The following CWC22 variants were observed in gnomAD, a reference collection of about 807,000 sequenced individuals.
CWC22 encodes the protein pre-mRNA-splicing factor CWC22 homolog.
In CWC22, 53 loss-of-function variants were observed where a neutral mutation model predicts 117.2. The observed-to-expected ratio is 0.45, with a 90% CI of 0.36 to 0.57. The LOEUF (loss-of-function observed/expected upper bound fraction) is 0.57, where lower values mean the gene tolerates loss of function less well. Ranked by LOEUF, CWC22 falls within the 20% of genes least tolerant of loss-of-function variation. CWC22 has a pLI of 0.00. For missense variants in CWC22, 980 were observed against 1,068.8 expected, an observed-to-expected ratio of 0.92 and a Z score of 1.16; for synonymous variants, 360 against 355.6, an observed-to-expected ratio of 1.01 and a Z score of -0.14.
Position 179,970,859 on chromosome 2 carries a change from A to G in CWC22, c.941-3T>C, listed in dbSNP as rs765126946. The G allele has an allele frequency of 5.0e-6, 8 of 1,611,714 alleles. No homozygotes were observed. The South Asian group carries it at 8.8e-5, about 18-fold the overall frequency. On this transcript the variant is annotated splice_region_variant and splice_polypyrimidine_tract_variant and intron_variant, in intron 9 of 19. Transcript: ENST00000410053. Reference sequence around the variant, plus strand: ...GTTTCGAAGGCGTTCAAATATAGCTAAAAGTTAACAGAAAGAAAAGACAAT... The same window carrying G: ...GTTTCGAAGGCGTTCAAATATAGCTGAAAGTTAACAGAAAGAAAAGACAAT...
chr2:179,998,305 G>C (rs1435288666), intron 1 of CWC22, among the ~76,000 whole-genome samples: 1 of 152,046 alleles, frequency 6.6e-6, no homozygotes, highest in East Asian at 1.9e-4. Context: ...ATAATTCATA[G>C]GTAAGAAGTG....
intron 1 of CWC22, among the ~76,000 whole-genome samples, chr2:179,994,997 A>G (rs370249908): frequency 2.1e-4 from 32 of 152,288 alleles, no homozygotes; most frequent in East Asian, 1.9e-3. Flanking sequence ...GGGCGCCTGT[A>G]GTCCCAGCTA....
intron 1 of CWC22, among the ~76,000 whole-genome samples, chr2:179,999,688 G>A (rs1414367676): frequency 6.6e-6 from 1 of 152,112 alleles, no homozygotes; most frequent in Non-Finnish European, 1.5e-5. Flanking sequence ...GAAACATATT[G>A]TCATAAAATT....
In CWC22 at chr2:179,945,625, T is replaced by A. The variant is rs772757774; in HGVS notation, c.2231A>T (p.Gln744Leu). Residue 744 changes from glutamine (Q) to leucine (L), a missense_variant, in exon 20 of 20, where the codon CAA becomes CTA. Gln to Leu is a moderately radical substitution (Grantham distance 113). This residue lies in a region of CWC22 where 306 missense variants were observed against 296.8 expected (regional missense o/e 1.03). Transcript: ENST00000410053. ...CCCGTGTTCTTGTCTTCTTTCTTTT[T>A]GTTTCCTATCATTTGTTTGCTGGTT... ...IRNQQTNDRK[Q>L]KERRQEHGHQ... 1.9e-6 allele frequency: 3 copies of A among 1,613,126 alleles called. No homozygotes were observed. The African/African-American group carries it at 4.0e-5, about 21-fold the overall frequency.
At position 179,965,861 on chromosome 2, in the gene CWC22, A is replaced by G; in HGVS notation, c.1315+17T>C. On this transcript the variant is annotated intron_variant, in intron 12 of 19. Coordinates refer to ENST00000410053, the MANE Select transcript of CWC22 (RefSeq NM_020943.3). ...TAGAGTATCTTATAATATTATTTGA[A>G]TATGCTACATGTTTACCTTCTTCAT... 7.2e-7 allele frequency: 1 copy of G among 1,386,410 alleles called. No individual in the cohort carries two copies. Among genetic ancestry groups the G allele is most frequent in the Non-Finnish European group, 1.0e-6 (1 of 979,566 alleles). The allele number at this position is 1,386,410 out of a possible 1,614,324, so 85.9% of individuals were successfully genotyped here. A position where few individuals can be genotyped will look rare whatever the true frequency, so the allele number is the denominator to read the frequency against.
In CWC22 at chr2:179,981,951, G is replaced by A. The variant is rs981684323; in HGVS notation, c.253C>T (p.Arg85Trp). 1.2e-5 allele frequency: 18 copies of A among 1,560,124 alleles called. No individual in the cohort carries two copies. Among genetic ancestry groups the A allele is most frequent in the African/African-American group, 5.4e-5 (4 of 73,450 alleles). Residue 85 changes from arginine to tryptophan, a missense_variant, in exon 5 of 20, where the codon CGG becomes TGG. This residue lies in a region of CWC22 where 559 missense variants were observed against 602.3 expected (regional missense o/e 0.93). Transcript: ENST00000410053. The part of the protein sequence containing the change: ...KRRERERDTD[R>W]KRSRKSPSPG... ...GATGGGGATTTCCGAGACCTTTTCC[G>A]ATCCGTATCTCTTTCTCTTTCTCTG...
At chr2:179,963,328 T>G (rs150476566) in intron 13 of CWC22, among the ~76,000 whole-genome samples, 9,575 of 143,738 alleles carry the variant, frequency 0.067, 414 homozygotes, top group East Asian at 0.24. Context: ...TGAAAAAATA[T>G]TTAATACTTT....
At chr2:179,962,848 G>A (rs994522129) in intron 13 of CWC22, among the ~76,000 whole-genome samples, 12 of 151,992 alleles carry the variant, frequency 7.9e-5, no homozygotes, top group Non-Finnish European at 1.3e-4. Flanking sequence ...TAAAGAGATA[G>A]ATATGGTAAT....
chr2:179,951,320 C>T (rs553345084), intron 17 of CWC22, among the ~76,000 whole-genome samples: 24 of 151,984 alleles, frequency 1.6e-4, no homozygotes, highest in African/African-American at 5.3e-4. Context: ...CACGTACACA[C>T]ACATACATAG....
intron 11 of CWC22, 69 bp downstream of exon 11, chr2:179,970,432 C>G: frequency 7.6e-7 from 1 of 1,324,386 alleles, no homozygotes; most frequent in Non-Finnish European, 1.0e-6. Flanking sequence ...TATTTGCTAT[C>G]AGTATTACGT....
intron 19 of CWC22, among the ~76,000 whole-genome samples, chr2:179,948,285 T>C (rs1327511965): frequency 6.7e-6 from 1 of 149,064 alleles, no homozygotes; most frequent in Non-Finnish European, 1.5e-5. Flanking sequence ...ATATTGATAT[T>C]TACAGTTGAC....
rs567376762 is a variant in CWC22, at chr2:179,951,216, C to A, written c.1818-290G>T. ...AGATAAATATATACACATATATACACGTGTGAATATATATAGTGTATATAT... is the reference window on the plus strand; with the variant it reads ...AGATAAATATATACACATATATACAAGTGTGAATATATATAGTGTATATAT... On this transcript the variant is annotated intron_variant, in intron 17 of 19. Transcript: ENST00000410053. Among the ~76,000 whole-genome samples, 3 of 151,730 alleles carry A rather than the reference C, an allele frequency of 2.0e-5. 1 individual carries two copies. The highest frequency in any genetic ancestry group is 2.0e-4 in the Admixed American group (3 of 15,206).
At chr2:179,965,761 C>T (rs1464645462) in intron 12 of CWC22, 117 bp downstream of exon 12, 27 of 843,666 alleles carry the variant, frequency 3.2e-5, no homozygotes, top group Admixed American at 5.5e-5. Flanking sequence ...ACCTCCTAGA[C>T]GCCATCAGCA....
At chr2:179,947,859 A>AT (rs1686349458) in intron 19 of CWC22, among the ~76,000 whole-genome samples, 1 of 152,196 alleles carries the variant, frequency 6.6e-6, no homozygotes, top group Non-Finnish European at 1.5e-5. Flanking sequence ...TTGATGCCAT[A>AT]TTTGATGAAA....
chr2:179,970,511 A>G lies in CWC22; in HGVS notation c.1200T>C (p.Ala400=). The G allele has an allele frequency of 3.3e-6, 5 of 1,533,748 alleles. No individual in the cohort carries two copies. Among genetic ancestry groups the G allele is most frequent in the Non-Finnish European group, 3.5e-6 (4 of 1,134,484 alleles). The change falls in exon 11 of 20, where the codon GCT becomes GCC. Residue 400 remains alanine (A), a synonymous_variant. Transcript: ENST00000410053. ...TAAAATTTTACATACCTTTCTTAATAGCTTTGTACTTCTCTTCATTCTCCA... is the reference window on the plus strand; with the variant it reads ...TAAAATTTTACATACCTTTCTTAATGGCTTTGTACTTCTCTTCATTCTCCA... ...NFMENEEKYK[A]IKKEILDEGD... is the part of the protein sequence containing the mutation.
At chr2:179,982,984 TA>T (rs1395556228) in intron 4 of CWC22, among the ~76,000 whole-genome samples, 2 of 152,206 alleles carry the variant, frequency 1.3e-5, no homozygotes, top group African/African-American at 4.8e-5. Context: ...AGATTTTAGC[TA>T]AATCTAAGGA....
intron 19 of CWC22, among the ~76,000 whole-genome samples, chr2:179,949,436 T>C (rs979068580): frequency 1.2e-4 from 18 of 152,202 alleles, no homozygotes; most frequent in Non-Finnish European, 2.6e-4. Flanking sequence ...ATTTAACTTC[T>C]CTAGTTGAAA....
intron 11 of CWC22, 119 bp downstream of exon 11, chr2:179,970,382 C>T (rs1288380644): frequency 9.2e-7 from 1 of 1,089,174 alleles, no homozygotes; most frequent in South Asian, 1.8e-5. Flanking sequence ...AAGAGAATAA[C>T]TTTATAAGAG....
intron 19 of CWC22, among the ~76,000 whole-genome samples, chr2:179,947,148 T>C (rs1686330832): frequency 6.6e-6 from 1 of 152,186 alleles, no homozygotes. Context: ...GATAGAAAAG[T>C]GCCTCTTGTC....
Sources: allele counts gnomAD v4.1 joint callset (sites outside exome capture counted in the v4.1 genomes callset), GRCh38; gene constraint gnomAD v4.1.1; regional missense constraint gnomAD v4.1.1; transcripts MANE v1.5; gene names NCBI Gene and HGNC (gene_info 2026-07-23, HGNC 2026-07-21).